Variants in CCDC93 observed in about 807,000 individuals in gnomAD.
The protein encoded by CCDC93 is CCC complex scaffolding subunit CCDC93, also known as coiled-coil domain-containing protein 93.
CCDC93 carries 61 observed loss-of-function variants against 108.2 expected under a neutral mutation model. That is an observed-to-expected ratio of 0.56 (90% CI 0.46 to 0.70). The LOEUF is 0.70. CCDC93 is among the 30% of genes least tolerant of loss of function. The pLI, the probability that CCDC93 is intolerant of heterozygous loss-of-function variation, is 0.00. For synonymous variants in CCDC93, 276 were observed against 260.4 expected, an observed-to-expected ratio of 1.06 and a Z score of -0.58; for missense variants, 685 against 764.2, an observed-to-expected ratio of 0.90 and a Z score of 1.22.
intron 13 of CCDC93, chr2:117,951,361 T>C (rs1679051732): frequency 3.0e-6 from 3 of 985,198 alleles, no homozygotes. Flanking sequence ...TTATTCTAAT[T>C]GACATTCATG....
intron 2 of CCDC93, 27 bp downstream of exon 2, chr2:118,008,518 G>T: frequency 1.6e-6 from 2 of 1,252,098 alleles, no homozygotes; most frequent in Non-Finnish European, 2.3e-6. Context: ...AAAAGATAGT[G>T]TAATGGTTAG....
chr2:117,986,931 GC>G (rs1461452138), intron 6 of CCDC93, among the ~76,000 whole-genome samples: 1 of 151,060 alleles, frequency 6.6e-6, no homozygotes, highest in African/African-American at 2.4e-5. Flanking sequence ...GCCTGGTTTA[GC>G]TTCCACTGAG....
intron 21 of CCDC93, 159 bp from the exon 22 acceptor site, chr2:117,935,738 C>A (rs1285680734): frequency 6.6e-6 from 3 of 452,960 alleles, no homozygotes; most frequent in Non-Finnish European, 7.8e-6. Context: ...GGATCCCAGG[C>A]AATTAAGGAT....
Position 117,917,359 on chromosome 2 carries a change from A to T in CCDC93, c.*2984T>A, listed in dbSNP as rs1206760425. 2 of 152,728 alleles carry T rather than the reference A, an allele frequency of 1.3e-5. No individual in the cohort carries two copies. Among genetic ancestry groups the T allele is most frequent in the Admixed American group, 6.5e-5 (1 of 15,268 alleles). 9.5% of individuals were successfully genotyped at this position (152,728 alleles called of 1,614,324 possible). A position where few individuals can be genotyped will look rare whatever the true frequency, so the allele number is the denominator to read the frequency against. ...GTGAGGTAGTAAAAGGACTGTCTGA[A>T]GGTCTTCTCCAGCCTCTGCTCAAGG... is the stretch of plus-strand genomic sequence containing the variant. On this transcript the variant is annotated 3_prime_UTR_variant, in exon 24 of 24. Coordinates refer to ENST00000376300, the MANE Select transcript of CCDC93 (RefSeq NM_019044.5).
chr2:117,941,976 TCCACCATATCCTC>T (rs1457883144), intron 18 of CCDC93, among the ~76,000 whole-genome samples: 1 of 152,182 alleles, frequency 6.6e-6, no homozygotes, highest in Non-Finnish European at 1.5e-5. Context: ...CATCCCTTTG[TCCACCATATCCTC>T]CCACTCTCCT....
intron 14 of CCDC93, among the ~76,000 whole-genome samples, chr2:117,948,473 T>C (rs1678945699): frequency 1.3e-5 from 2 of 152,246 alleles, no homozygotes; most frequent in South Asian, 4.1e-4. Context: ...GTACCAGGTA[T>C]ATTTAATGAT....
At chr2:117,976,790 G>A (rs1207677852) in intron 8 of CCDC93, among the ~76,000 whole-genome samples, 2 of 152,172 alleles carry the variant, frequency 1.3e-5, no homozygotes, top group African/African-American at 4.8e-5. Flanking sequence ...TGCAGCGACT[G>A]AGACAACAGT....
intron 23 of CCDC93, among the ~76,000 whole-genome samples, chr2:117,927,560 A>G (rs1312163290): frequency 3.9e-5 from 6 of 152,178 alleles, no homozygotes; most frequent in East Asian, 3.8e-4. Context: ...TACAAGGGAC[A>G]TGAAGGACCT....
chr2:117,933,051 G>T (rs770250598), intron 22 of CCDC93, among the ~76,000 whole-genome samples: 19 of 152,330 alleles, frequency 1.2e-4, no homozygotes, highest in Middle Eastern at 6.8e-3. Context: ...CCTAGAAATA[G>T]TATGAGCTTG....
At chr2:117,927,564 A>AGGACCT (rs1356141036) in intron 23 of CCDC93, among the ~76,000 whole-genome samples, 4 of 152,360 alleles carry the variant, frequency 2.6e-5, no homozygotes, top group Middle Eastern at 3.4e-3. Flanking sequence ...AGGGACATGA[A>AGGACCT]GGACCTCTTC....
Position 117,985,988 on chromosome 2 carries a change from T to G in CCDC93, c.601A>C (p.Thr201Pro), listed in dbSNP as rs758924778. The G allele has an allele frequency of 2.5e-6, 4 of 1,610,890 alleles. No individual in the cohort carries two copies. Among genetic ancestry groups the G allele is most frequent in the Non-Finnish European group, 3.4e-6 (4 of 1,177,268 alleles). ...CATTACCTGCCATATTCCAAAAGTG[T>G]AGCATGGATTCGAGATTCTTCATCA... ...LLDEESRIHA[T>P]LLEYGRRYGF... Residue 201 changes from threonine (T) to proline (P), a missense_variant, in exon 7 of 24, where the codon ACA becomes CCA. Coordinates refer to ENST00000376300, the MANE Select transcript of CCDC93 (RefSeq NM_019044.5).
intron 9 of CCDC93, 74 bp downstream of exon 9, chr2:117,975,114 G>A (rs1481605165): frequency 8.2e-6 from 11 of 1,344,670 alleles, no homozygotes; most frequent in Admixed American, 5.4e-5. Context: ...ATTTGGGAAC[G>A]CTAGGGATAA....
chr2:117,946,156 C>T (rs560984526), intron 16 of CCDC93, among the ~76,000 whole-genome samples: 122 of 152,346 alleles, frequency 8.0e-4, no homozygotes, highest in Middle Eastern at 6.8e-3. Context: ...CAGCCATGGG[C>T]ACTGTCCAGT....
chr2:117,949,677 G>A (rs916274443), intron 13 of CCDC93: 23 of 811,652 alleles, frequency 2.8e-5, no homozygotes, highest in African/African-American at 2.4e-4. Flanking sequence ...AATTTTGTAC[G>A]ATGTGAATGT....
intron 23 of CCDC93, among the ~76,000 whole-genome samples, chr2:117,928,221 A>T (rs1177610744): frequency 2.0e-5 from 3 of 152,260 alleles, no homozygotes; most frequent in Admixed American, 2.0e-4. Context: ...CATGTCTAAC[A>T]CACCAACAGC....
At chr2:117,990,041 C>CA (rs1680430216) in intron 6 of CCDC93, among the ~76,000 whole-genome samples, 2 of 152,162 alleles carry the variant, frequency 1.3e-5, no homozygotes, top group South Asian at 2.1e-4. Flanking sequence ...TCTAAACTAC[C>CA]AAAAAAATGC....
At position 117,923,890 on chromosome 2, in the gene CCDC93, C is replaced by A. The variant is rs540080169; in HGVS notation, c.1843-3494G>T. ...TGGGAGGCACACCCCAGTAGGGGCACATTGACACATCACACAGCTGGGTAC... is the reference window on the plus strand; with the variant it reads ...TGGGAGGCACACCCCAGTAGGGGCAAATTGACACATCACACAGCTGGGTAC... On this transcript the variant is annotated intron_variant, in intron 23 of 23. Coordinates refer to ENST00000376300, the MANE Select transcript of CCDC93 (RefSeq NM_019044.5). Among the ~76,000 whole-genome samples the A allele has an allele frequency of 3.9e-5, 6 of 152,286 alleles. No individual in the cohort carries two copies. In the South Asian group the frequency reaches 1.2e-3, roughly 32 times the overall value.
intron 13 of CCDC93, chr2:117,950,202 A>T (rs1679009261): frequency 1.0e-6 from 1 of 985,328 alleles, no homozygotes; most frequent in Admixed American, 6.1e-5. Flanking sequence ...AAATTTTAAA[A>T]TTAAAGATGA....
chr2:117,949,448 C>T, intron 13 of CCDC93, 53 bp from the exon 14 acceptor site: 1 of 1,236,864 alleles, frequency 8.1e-7, no homozygotes, highest in South Asian at 1.3e-5. Flanking sequence ...CAGAGGTGAA[C>T]AACTTCACCT....
Sources: gnomAD v4.1 joint callset for allele counts (sites outside exome capture counted in the v4.1 genomes callset) on GRCh38, gnomAD v4.1.1 for gene constraint, MANE v1.5 for transcripts, NCBI Gene and HGNC (gene_info 2026-07-23, HGNC 2026-07-21) for gene names.